Variants in CAMK2D observed in about 807,000 individuals in gnomAD.
CAMK2D encodes calcium/calmodulin dependent protein kinase II delta.
In CAMK2D, 37 loss-of-function variants were observed where a neutral mutation model predicts 84.0. That is an observed-to-expected ratio of 0.44 (90% confidence interval 0.34 to 0.58). The LOEUF (loss-of-function observed/expected upper bound fraction) is 0.58. CAMK2D is among the 20% of genes least tolerant of loss of function. The pLI, the probability that CAMK2D is intolerant of heterozygous loss-of-function variation, is 0.02. For synonymous variants in CAMK2D, 202 were observed against 212.5 expected, an observed-to-expected ratio of 0.95 and a Z score of 0.43; for missense variants, 448 against 652.5, an observed-to-expected ratio of 0.69 and a Z score of 3.41.
intron 2 of CAMK2D, among the ~76,000 whole-genome samples, chr4:113,752,555 G>A (rs1294673274): frequency 6.6e-6 from 1 of 152,176 alleles, no homozygotes; most frequent in African/African-American, 2.4e-5. Flanking sequence ...AGATGAACCA[G>A]AAGAGTAGAA....
intron 2 of CAMK2D, among the ~76,000 whole-genome samples, chr4:113,751,863 A>G (rs865918576): frequency 2.6e-5 from 4 of 152,216 alleles, no homozygotes; most frequent in Non-Finnish European, 4.4e-5. Flanking sequence ...TAAATTAAGC[A>G]TTGCCTATAT....
chr4:113,748,768 T>TG (rs2099610469), intron 2 of CAMK2D, among the ~76,000 whole-genome samples: 1 of 152,030 alleles, frequency 6.6e-6, no homozygotes, highest in Non-Finnish European at 1.5e-5. Flanking sequence ...TTGGGGGAAA[T>TG]GAACTACAAA....
At chr4:113,530,894 G>C (rs1479901683) in intron 8 of CAMK2D, among the ~76,000 whole-genome samples, 1 of 152,044 alleles carries the variant, frequency 6.6e-6, no homozygotes, top group African/African-American at 2.4e-5. Context: ...GACCAGCCTG[G>C]CCATCATGGT....
intron 4 of CAMK2D, 72 bp downstream of exon 4, chr4:113,609,080 T>C: frequency 1.2e-6 from 1 of 813,944 alleles, no homozygotes; most frequent in Non-Finnish European, 2.2e-6. Context: ...GACTGTACAG[T>C]GAGAAAAATC....
intron 13 of CAMK2D, among the ~76,000 whole-genome samples, chr4:113,509,094 T>C (rs1325771263): frequency 6.6e-6 from 1 of 152,214 alleles, no homozygotes; most frequent in African/African-American, 2.4e-5. Flanking sequence ...TGCAAGATTT[T>C]TCTAATATTT....
intron 2 of CAMK2D, among the ~76,000 whole-genome samples, chr4:113,689,410 C>A (rs989163683): frequency 9.9e-5 from 15 of 152,204 alleles, no homozygotes; most frequent in Non-Finnish European, 2.2e-4. Flanking sequence ...TCCTGCAAAT[C>A]TCCACTCCAG....
intron 2 of CAMK2D, among the ~76,000 whole-genome samples, chr4:113,732,747 C>T (rs143991577): frequency 1.5e-3 from 224 of 152,190 alleles, no homozygotes; most frequent in African/African-American, 5.2e-3. Context: ...ATAAAAGGAG[C>T]TAAACGTGAA....
intron 2 of CAMK2D, among the ~76,000 whole-genome samples, chr4:113,682,355 T>C (rs2099348374): frequency 6.6e-6 from 1 of 152,086 alleles, no homozygotes; most frequent in East Asian, 1.9e-4. Context: ...ATTTCAAATT[T>C]TAATTTATTA....
At chr4:113,466,020 G>A (rs926879577) in intron 16 of CAMK2D, among the ~76,000 whole-genome samples, 2 of 152,072 alleles carry the variant, frequency 1.3e-5, no homozygotes, top group African/African-American at 4.8e-5. Context: ...GGGAGGCCGA[G>A]GTGGGCGGAT....
At chr4:113,586,459 GA>G (rs1314532504) in intron 4 of CAMK2D, among the ~76,000 whole-genome samples, 1 of 152,108 alleles carries the variant, frequency 6.6e-6, no homozygotes, top group Non-Finnish European at 1.5e-5. Flanking sequence ...AGCTATTTTG[GA>G]TTGCTGCCCC....
intron 4 of CAMK2D, among the ~76,000 whole-genome samples, chr4:113,567,199 G>A (rs1312027041): frequency 1.5e-5 from 2 of 133,292 alleles, no homozygotes; most frequent in South Asian, 2.3e-4. Flanking sequence ...ATGGAGTCTC[G>A]CTCTGTCACC....
At chr4:113,628,222 C>T in intron 3 of CAMK2D, among the ~76,000 whole-genome samples, 1 of 152,078 alleles carries the variant, frequency 6.6e-6, no homozygotes, top group Admixed American at 6.6e-5. Flanking sequence ...GAATTATAAA[C>T]ACTACTAAAA....
rs984553622 is a variant in CAMK2D at position 113,700,909 on chromosome 4, T to G, written c.161-39137A>C. On this transcript the variant is annotated intron_variant, in intron 2 of 20. Transcript: ENST00000511664. ...AAGGGAAAGGAACCTGATCCATCCT[T>G]CAGGAAATATCCATCACAGTCCATC... Among the ~76,000 whole-genome samples the G allele has an allele frequency of 3.9e-5, 6 of 152,168 alleles. No individual in the cohort carries two copies. In the East Asian group the frequency reaches 1.2e-3, roughly 29 times the overall value.
At position 113,512,189 on chromosome 4, in the gene CAMK2D, C is replaced by T. The variant is rs551348782; in HGVS notation, c.946+1139G>A. Among the ~76,000 whole-genome samples, 3 of 152,282 alleles carry T rather than the reference C, an allele frequency of 2.0e-5. No individual in the cohort carries two copies. The South Asian group carries it at 6.2e-4, about 32-fold the overall frequency. On this transcript the variant is annotated intron_variant, in intron 12 of 20. Transcript: ENST00000511664. ...GGCTTAATTGCTGCTCCAGTCCTTC[C>T]CCCTACATAAGACTGCTTAGCATTG...
At chr4:113,719,305 G>C (rs2099523162) in intron 2 of CAMK2D, among the ~76,000 whole-genome samples, 1 of 152,154 alleles carries the variant, frequency 6.6e-6, no homozygotes, top group Non-Finnish European at 1.5e-5. Flanking sequence ...AAATAGGCCA[G>C]TTCTGGCCAA....
intron 12 of CAMK2D, among the ~76,000 whole-genome samples, chr4:113,511,052 G>T (rs1053216880): frequency 2.0e-5 from 3 of 152,024 alleles, no homozygotes; most frequent in African/African-American, 7.2e-5. Flanking sequence ...GGTAAGCAGG[G>T]ATTTGGCCTG....
rs538587983 is a variant in CAMK2D at position 113,505,436 on chromosome 4, T to G, written c.985-401A>C. 1.8e-4 allele frequency among the ~76,000 whole-genome samples: 27 copies of G among 152,308 alleles called. 1 individual carries two copies. The South Asian group carries it at 5.6e-3, about 32-fold the overall frequency. The stretch of plus-strand genomic sequence containing the variant: ...TTTCTTTCTTCCCTCATTTTATTCT[T>G]GAGCCTGAAGTCACACACACACATA... On this transcript the variant is annotated intron_variant, in intron 13 of 20. Transcript: ENST00000511664.
chr4:113,723,506 G>A (rs987400239), intron 2 of CAMK2D, among the ~76,000 whole-genome samples: 2 of 152,144 alleles, frequency 1.3e-5, no homozygotes, highest in African/African-American at 2.4e-5. Context: ...TTACAGGCAT[G>A]AGTCACTGCA....
intron 10 of CAMK2D, 60 bp from the exon 11 acceptor site, chr4:113,513,973 T>C: frequency 1.3e-6 from 1 of 753,450 alleles, no homozygotes; most frequent in Admixed American, 2.4e-5. Context: ...CTAAGTATAA[T>C]AATGTCCCTG....
Sources: allele counts gnomAD v4.1 joint callset (sites outside exome capture counted in the v4.1 genomes callset), GRCh38; gene constraint gnomAD v4.1.1; transcripts MANE v1.5; gene names NCBI Gene and HGNC (gene_info 2026-07-23, HGNC 2026-07-21).